BRWD3: variants seen among roughly 807,000 people sequenced by gnomAD.
BRWD3 encodes the protein bromodomain and WD repeat-containing protein 3.
BRWD3 carries 10 observed loss-of-function variants against 149.7 expected under a neutral mutation model. The ratio of observed to expected loss-of-function variants is 0.07; its 90% CI spans 0.04 to 0.11. The LOEUF (loss-of-function observed/expected upper bound fraction) is 0.11. Ranked by LOEUF, BRWD3 falls within the 10% of genes least tolerant of loss-of-function variation. The pLI is 1.00. For synonymous variants in BRWD3, 504 were observed against 456.7 expected (o/e 1.10, Z -1.32); for missense variants, 940 against 1,373.2 (o/e 0.68, Z 4.99).
At chrX:80,728,435 A>G (rs1008075289) in intron 14 of BRWD3, among the ~76,000 whole-genome samples, 22 of 111,661 alleles carry the variant, frequency 2.0e-4, no homozygotes, top group African/African-American at 6.5e-4. Context: ...CTCTACCCCT[A>G]TAACGGTAAC....
intron 40 of BRWD3, among the ~76,000 whole-genome samples, chrX:80,680,448 G>A (rs2072428697): frequency 8.9e-6 from 1 of 112,253 alleles, no homozygotes; most frequent in African/African-American, 3.2e-5. Context: ...GTTAAATGCA[G>A]AAGGTTCTTC....
rs748264965 is a variant in BRWD3 at position 80,685,327 on chromosome X, C to CA, written c.4080+134dup. On this transcript the variant is annotated intron_variant, in intron 36 of 40. Transcript: ENST00000373275. Reference sequence around the variant, plus strand: ...AAAGAGGAACAAAAAAATAAATGACCAAAAAATCAAACAAAGGTAAAAAGG... The same window carrying CA: ...AAAGAGGAACAAAAAAATAAATGACCAAAAAAATCAAACAAAGGTAAAAAGG... The CA allele has an allele frequency of 2.0e-5, 11 of 548,506 alleles. No homozygotes were observed. The South Asian group carries it at 2.7e-4, about 14-fold the overall frequency. 45.2% of individuals were successfully genotyped at this position (548,506 alleles called of 1,213,427 possible).
At chrX:80,740,897 A>G (rs2073479113) in intron 8 of BRWD3, among the ~76,000 whole-genome samples, 1 of 110,517 alleles carries the variant, frequency 9.0e-6, no homozygotes, top group Admixed American at 9.7e-5. Context: ...TATTCAAGTT[A>G]GAACCTGTTT....
chrX:80,782,930 G>A (rs1378079351), intron 6 of BRWD3, among the ~76,000 whole-genome samples: 1 of 108,601 alleles, frequency 9.2e-6, no homozygotes, highest in Middle Eastern at 4.3e-3. Context: ...TAACCAGAAT[G>A]TAAAAGGAGC....
intron 12 of BRWD3, chrX:80,733,213 C>T (rs2073358567): frequency 3.4e-6 from 1 of 293,641 alleles, no homozygotes; most frequent in Admixed American, 5.9e-5. Flanking sequence ...TGGGTGCTAA[C>T]AGAAATAGAG....
At position 80,729,921 on chromosome X, in the gene BRWD3, C is replaced by T. The variant is rs1418400050; in HGVS notation, c.1227G>A (p.Met409Ile). The T allele has an allele frequency of 1.7e-6, 2 of 1,170,999 alleles. No individual in the cohort carries two copies. Among genetic ancestry groups the T allele is most frequent in the Admixed American group, 4.4e-5 (2 of 45,973 alleles). The change falls in exon 13 of 41, where the codon ATG (methionine) becomes ATA (isoleucine). Residue 409 changes from methionine to isoleucine, a missense_variant. Transcript: ENST00000373275. ...KSIVLDMATK[M>I]TGNNLPSGED... ...CATCTAACATATATTCTTACCCAGT[C>T]ATTTTAGTAGCCATGTCTAGCACTA...
intron 8 of BRWD3, among the ~76,000 whole-genome samples, chrX:80,740,763 T>G (rs747284038): frequency 9.0e-6 from 1 of 110,722 alleles, no homozygotes; most frequent in East Asian, 2.8e-4. Context: ...CACATCAAAT[T>G]GAAATAAAAA....
intron 4 of BRWD3, among the ~76,000 whole-genome samples, chrX:80,796,740 C>T (rs754599845): frequency 1.5e-4 from 17 of 112,158 alleles, no homozygotes; most frequent in Non-Finnish European, 2.6e-4. Context: ...GGTTTAGCAT[C>T]AGGACAGAGG....
Position 80,686,947 on chromosome X carries a change from T to C in BRWD3, c.3921A>G (p.Lys1307=), listed in dbSNP as rs991202447. ...SLKCNPDAWK[K]QCKELLSLIY... is the part of the protein sequence containing the mutation. ...TGAGGCTCAATAGTTCCTTGCATTGTTTTTTCCAAGCATCAGGATTACACT... is the reference window on the plus strand; with the variant it reads ...TGAGGCTCAATAGTTCCTTGCATTGCTTTTTCCAAGCATCAGGATTACACT... The change falls in exon 35 of 41, where the codon AAA becomes AAG. Residue 1307 remains lysine, a synonymous_variant. Transcript: ENST00000373275. The C allele has an allele frequency of 8.3e-7, 1 of 1,209,829 alleles. No individual in the cohort carries two copies. Among genetic ancestry groups the C allele is most frequent in the Non-Finnish European group, 1.1e-6 (1 of 894,178 alleles).
chrX:80,680,543 C>T (rs557413475), intron 40 of BRWD3, among the ~76,000 whole-genome samples: 1 of 111,351 alleles, frequency 9.0e-6, no homozygotes, highest in Non-Finnish European at 1.9e-5. Context: ...ATATAGCAGG[C>T]CCCTAAGGAA....
chrX:80,710,827 T>C, intron 20 of BRWD3: 3 of 318,060 alleles, frequency 9.4e-6, no homozygotes, highest in South Asian at 4.1e-5. Flanking sequence ...TCAGTCCAGA[T>C]GTGAGTTTTT....
At position 80,809,040 on chromosome X, in the gene BRWD3, C is replaced by A. The variant is rs780885519; in HGVS notation, c.93G>T (p.Val31=). The A allele has an allele frequency of 3.4e-6, 4 of 1,189,801 alleles. No individual in the cohort carries two copies. Among genetic ancestry groups the A allele is most frequent in the Non-Finnish European group, 2.3e-6 (2 of 884,708 alleles). The change falls in exon 3 of 41, where the codon GTG becomes GTT. Residue 31 remains valine, a splice_region_variant and synonymous_variant. Coordinates refer to ENST00000373275, the MANE Select transcript of BRWD3 (RefSeq NM_153252.5). ...GATGCTCCTCGAGCTCCTGCACTAG[C>A]ACCTGAGCAAAAGGGAAACACAGAT... ...QSGPCNKSAQ[V]LVQELEEHQL...
At chrX:80,804,098 G>A (rs1044651974) in intron 4 of BRWD3, among the ~76,000 whole-genome samples, 1 of 112,211 alleles carries the variant, frequency 8.9e-6, no homozygotes, top group African/African-American at 3.2e-5. Context: ...ATTACTTCTA[G>A]TATTTTGCAT....
chrX:80,767,800 C>T (rs924946078), intron 6 of BRWD3, among the ~76,000 whole-genome samples: 7 of 111,497 alleles, frequency 6.3e-5, no homozygotes, highest in African/African-American at 2.0e-4. Context: ...GGAGGATGTT[C>T]GAACCCATTG....
chrX:80,715,992 TTAA>T (rs916779256), intron 20 of BRWD3, among the ~76,000 whole-genome samples, 162 bp downstream of exon 20: 3 of 112,009 alleles, frequency 2.7e-5, no homozygotes, highest in African/African-American at 9.7e-5. Context: ...TTTGTTCTTA[TTAA>T]TAATAATCAT....
intron 4 of BRWD3, among the ~76,000 whole-genome samples, chrX:80,808,013 T>C (rs2074365783): frequency 1.8e-5 from 2 of 108,575 alleles, no homozygotes; most frequent in Admixed American, 9.9e-5. Context: ...TCCTAATCCC[T>C]GGTCCGTCAA....
chrX:80,691,266 G>T, intron 30 of BRWD3, 93 bp from the exon 31 acceptor site: 4 of 928,750 alleles, frequency 4.3e-6, no homozygotes, highest in Non-Finnish European at 6.0e-6. Context: ...AAGAAGGGAG[G>T]GTGATATACT....
chrX:80,717,234 T>C (rs1172533122), intron 19 of BRWD3: 1 of 184,210 alleles, frequency 5.4e-6, no homozygotes, highest in Non-Finnish European at 9.9e-6. Context: ...ACTCCCAGGC[T>C]GCTCCAATGT....
At chrX:80,723,412 G>A (rs1426432097) in intron 16 of BRWD3, among the ~76,000 whole-genome samples, 3 of 110,843 alleles carry the variant, frequency 2.7e-5, no homozygotes, top group Admixed American at 9.6e-5. Flanking sequence ...AGTCACCAGC[G>A]GTTTATTCCC....
Sources: gnomAD v4.1 joint callset for allele counts (sites outside exome capture counted in the v4.1 genomes callset) on GRCh38, gnomAD v4.1.1 for gene constraint, MANE v1.5 for transcripts, NCBI Gene and HGNC (gene_info 2026-07-23, HGNC 2026-07-21) for gene names.